HSCB: variants seen among roughly 807,000 people sequenced by gnomAD.
The protein encoded by HSCB is iron-sulfur cluster co-chaperone protein HscB.
In HSCB, 23 loss-of-function variants were observed where a neutral mutation model predicts 31.3. The ratio of observed to expected loss-of-function variants is 0.74; its 90% CI spans 0.53 to 1.04. The LOEUF (loss-of-function observed/expected upper bound fraction) is 1.04, where lower values mean the gene tolerates loss of function less well. Ranked by LOEUF, HSCB falls within the 50% of genes least tolerant of loss-of-function variation. The pLI, the probability that HSCB is intolerant of heterozygous loss-of-function variation, is 0.00. For missense variants in HSCB, 297 were observed against 288.1 expected (o/e 1.03, Z -0.22); for synonymous variants, 110 against 104.5 (o/e 1.05, Z -0.32).
chr22:28,755,279 G>A lies in HSCB; in HGVS notation c.617-1799G>A, dbSNP rs541886699. ...CAAAAAATTAGCCGGGCAAGGTGGC[G>A]GGCACCTGTAGTCCCAGCTACTCAG... is the stretch of plus-strand genomic sequence containing the variant. On this transcript the variant is annotated intron_variant, in intron 5 of 5. Transcript: ENST00000216027. 5.9e-5 allele frequency among the ~76,000 whole-genome samples: 9 copies of A among 151,722 alleles called. No homozygotes were observed. The South Asian group carries it at 6.3e-4, about 11-fold the overall frequency.
chr22:28,748,955 C>T (rs2030022313), intron 4 of HSCB, among the ~76,000 whole-genome samples: 1 of 151,960 alleles, frequency 6.6e-6, no homozygotes, highest in South Asian at 2.1e-4. Context: ...GCCTAGTCAA[C>T]ATAGCAAGAC....
At chr22:28,747,637 A>G (rs1282792344) in intron 4 of HSCB, among the ~76,000 whole-genome samples, 4 of 152,206 alleles carry the variant, frequency 2.6e-5, no homozygotes, top group African/African-American at 7.2e-5. Context: ...TGGGCACCAT[A>G]GCCTAGCCAA....
intron 5 of HSCB, among the ~76,000 whole-genome samples, chr22:28,755,135 GC>G (rs2030521528): frequency 1.3e-5 from 2 of 149,168 alleles, no homozygotes; most frequent in African/African-American, 2.4e-5. Flanking sequence ...AATAGGCCGG[GC>G]GCGGTGGCTC....
At position 28,745,850 on chromosome 22, in the gene HSCB, T is replaced by G; in HGVS notation, c.424-14T>G. The G allele has an allele frequency of 6.3e-7, 1 of 1,593,238 alleles. No individual in the cohort carries two copies. The highest frequency in any genetic ancestry group is 1.2e-5 in the South Asian group (1 of 86,932). ...GCTTCTTCAACTTATTTTTCTTGCT[T>G]TCTACCCCAATAGCTAAAGCTCCAT... On this transcript the variant is annotated splice_polypyrimidine_tract_variant and intron_variant, in intron 3 of 5. Transcript: ENST00000216027.
intron 1 of HSCB, among the ~76,000 whole-genome samples, chr22:28,743,028 G>T (rs1399691589): frequency 6.6e-6 from 1 of 152,130 alleles, no homozygotes; most frequent in African/African-American, 2.4e-5. Flanking sequence ...GACCTGGGCC[G>T]TGGAAAAGTT....
rs773484961 is a variant in HSCB, at chr22:28,745,880, T to A, written c.440T>A (p.Ile147Lys). 6.2e-7 allele frequency: 1 copy of A among 1,611,902 alleles called. No individual in the cohort carries two copies. Among genetic ancestry groups the A allele is most frequent in the African/African-American group, 1.3e-5 (1 of 74,748 alleles). ...RGLYLLKLHG[I>K]EIPERTDYEM... is the part of the protein sequence containing the mutation. The stretch of plus-strand genomic sequence containing the variant: ...CCCCAATAGCTAAAGCTCCATGGAA[T>A]AGAGATTCCTGAAAGGACAGATTAT... Residue 147 changes from isoleucine to lysine, a missense_variant, in exon 4 of 6, where the codon ATA becomes AAA. Coordinates refer to ENST00000216027, the MANE Select transcript of HSCB (RefSeq NM_172002.5).
At chr22:28,742,475 G>T in intron 1 of HSCB, 144 bp downstream of exon 1, 1 of 1,367,148 alleles carries the variant, frequency 7.3e-7, no homozygotes, top group Non-Finnish European at 9.7e-7. Flanking sequence ...CGTGAGAGAA[G>T]TGTCTTGATT....
In HSCB at chr22:28,743,880, A is replaced by G; in HGVS notation, c.237-2A>G. On this transcript the variant is annotated splice_acceptor_variant, in intron 1 of 5. Transcript: ENST00000216027. LOFTEE classifies it high-confidence loss of function. ...AAATTTAATCTCCCAATTTCCTTCCAGCAACCGTTCCTTCAGAGTTGATAC... is the reference window on the plus strand; with the variant it reads ...AAATTTAATCTCCCAATTTCCTTCCGGCAACCGTTCCTTCAGAGTTGATAC... The G allele has an allele frequency of 6.2e-7, 1 of 1,613,284 alleles. No homozygotes were observed. The highest frequency in any genetic ancestry group is 8.5e-7 in the Non-Finnish European group (1 of 1,179,368).
chr22:28,750,198 G>C (rs1040670374), intron 4 of HSCB, among the ~76,000 whole-genome samples: 3 of 132,110 alleles, frequency 2.3e-5, no homozygotes, highest in Admixed American at 8.9e-5. Context: ...GCAGTGAGCC[G>C]AGATCGCACC....
At position 28,742,095 on chromosome 22, in the gene HSCB, G is replaced by C. The variant is rs1454200534; in HGVS notation, c.-1G>C. On this transcript the variant is annotated 5_prime_UTR_variant, in exon 1 of 6. Coordinates refer to ENST00000216027, the MANE Select transcript of HSCB (RefSeq NM_172002.5). ...CCACGGCTAGATAGGCCGCCGGCCA[G>C]ATGTGGCGGGGGAGAGCCGGGGCTT... The C allele has an allele frequency of 4.4e-6, 7 of 1,606,410 alleles. No individual in the cohort carries two copies. The African/African-American group carries it at 9.4e-5, about 21-fold the overall frequency.
intron 2 of HSCB, 128 bp downstream of exon 2, chr22:28,744,106 C>A: frequency 1.3e-6 from 1 of 768,094 alleles, no homozygotes; most frequent in Non-Finnish European, 2.3e-6. Context: ...GGCAGTCTGA[C>A]CCCAGCCTGT....
chr22:28,757,237 A>G lies in HSCB; in HGVS notation c.*68A>G. ...CACAGTGGCTCACACCTGTAATCCC[A>G]GCACTTTGGGAGGCTGAGGTGGGTG... On this transcript the variant is annotated 3_prime_UTR_variant, in exon 6 of 6. Transcript: ENST00000216027. 1.2e-6 allele frequency: 1 copy of G among 824,422 alleles called. No individual in the cohort carries two copies. The highest frequency in any genetic ancestry group is 2.0e-6 in the Non-Finnish European group (1 of 493,280). 51.1% of individuals were successfully genotyped at this position (824,422 alleles called of 1,614,324 possible).
intron 2 of HSCB, 55 bp downstream of exon 2, chr22:28,744,033 A>G (rs2054641723): frequency 1.5e-6 from 2 of 1,298,830 alleles, no homozygotes; most frequent in Non-Finnish European, 2.2e-6. Context: ...ACTGGGTGGC[A>G]GTAGCCTTGT....
intron 5 of HSCB, among the ~76,000 whole-genome samples, chr22:28,755,412 A>G (rs2030540762): frequency 6.6e-6 from 1 of 151,996 alleles, no homozygotes. Flanking sequence ...TCCATCTCAA[A>G]AAAATAAAAT....
Position 28,757,161 on chromosome 22 carries a change from C to A in HSCB, c.700C>A (p.Pro234Thr), listed in dbSNP as rs901020114. The A allele has an allele frequency of 1.4e-6, 2 of 1,478,452 alleles. No individual in the cohort carries two copies. The highest frequency in any genetic ancestry group is 2.8e-5 in the African/African-American group (2 of 72,444). The allele number at this position is 1,478,452 out of a possible 1,614,324, so 91.6% of individuals were successfully genotyped here. A position where few individuals can be genotyped will look rare whatever the true frequency, so the allele number is the denominator to read the frequency against. ...IEEKIKLKKI[P>T]L Reference sequence around the variant, plus strand: ...AGAAAAGATCAAGTTAAAGAAGATTCCCCTTTAATTGTGGATAGTTTAAAG... The same window carrying A: ...AGAAAAGATCAAGTTAAAGAAGATTACCCTTTAATTGTGGATAGTTTAAAG... The change falls in exon 6 of 6, where the codon CCC (proline) becomes ACC (threonine). Residue 234 changes from proline (P) to threonine (T), a missense_variant. By Grantham distance (38) the Pro-to-Thr change is conservative. Coordinates refer to ENST00000216027, the MANE Select transcript of HSCB (RefSeq NM_172002.5).
chr22:28,742,489 C>T (rs1172256010), intron 1 of HSCB, 158 bp downstream of exon 1: 4 of 1,311,226 alleles, frequency 3.1e-6, no homozygotes, highest in Admixed American at 5.7e-5. Flanking sequence ...CTTGATTTCT[C>T]AGGAGGAAAT....
chr22:28,754,733 T>C (rs1460577176), intron 5 of HSCB, among the ~76,000 whole-genome samples: 4 of 152,036 alleles, frequency 2.6e-5, no homozygotes, highest in African/African-American at 9.7e-5. Flanking sequence ...ATGTACTTAA[T>C]GTCATTGAAC....
chr22:28,744,302 A>G (rs2054646348), intron 2 of HSCB, among the ~76,000 whole-genome samples: 1 of 152,242 alleles, frequency 6.6e-6, no homozygotes, highest in Non-Finnish European at 1.5e-5. Context: ...CTGTAATCCC[A>G]ACACTTTGGG....
At chr22:28,747,553 T>G (rs935725187) in intron 4 of HSCB, among the ~76,000 whole-genome samples, 13 of 152,140 alleles carry the variant, frequency 8.5e-5, no homozygotes, top group Middle Eastern at 3.2e-3. Flanking sequence ...TCCACCTTCC[T>G]CAGTCTCCCA....
Sources: gnomAD v4.1 joint callset for allele counts (sites outside exome capture counted in the v4.1 genomes callset) on GRCh38, gnomAD v4.1.1 for gene constraint, MANE v1.5 for transcripts, NCBI Gene and HGNC (gene_info 2026-07-23, HGNC 2026-07-21) for gene names.